Variants in KIRREL1 observed in about 807,000 individuals in gnomAD.
KIRREL1 encodes kin of IRRE-like protein 1.
A neutral mutation model predicts 83.3 loss-of-function variants in KIRREL1; 25 were observed. The ratio of observed to expected loss-of-function variants is 0.30; its 90% CI spans 0.22 to 0.42. KIRREL1 has a LOEUF of 0.42. Ranked by LOEUF, KIRREL1 falls within the 10% of genes least tolerant of loss-of-function variation. KIRREL1 has a pLI of 1.00. For synonymous variants in KIRREL1, 388 were observed against 410.4 expected (o/e 0.95, Z 0.66); for missense variants, 812 against 1,032.3 (o/e 0.79, Z 2.92).
Position 158,094,971 on chromosome 1 carries a change from C to A in KIRREL1, c.2125C>A (p.Pro709Thr). Residue 709 changes from proline (P) to threonine (T), a missense_variant, in exon 15 of 15, where the codon CCC (proline) becomes ACC (threonine). Physicochemically the swap from Pro to Thr is conservative, Grantham distance 38 (BLOSUM62 -1). Transcript: ENST00000359209. The surrounding 1 kb of genome is among the most constrained non-coding windows in gnomAD (Gnocchi z 4.6). ...AGYPTYRLGY[P>T]QAPPSGLERT... is the part of the protein sequence containing the mutation. ...GTACCCCACCTACCGACTGGGCTAC[C>A]CCCAGGCCCCACCCTCTGGCCTGGA... is the stretch of plus-strand genomic sequence containing the variant. The A allele has an allele frequency of 6.2e-7, 1 of 1,614,102 alleles. No individual in the cohort carries two copies. The highest frequency in any genetic ancestry group is 8.5e-7 in the Non-Finnish European group (1 of 1,180,018).
intron 1 of KIRREL1, among the ~76,000 whole-genome samples, chr1:158,018,408 C>T (rs1659898900): frequency 1.3e-5 from 2 of 152,054 alleles, no homozygotes; most frequent in African/African-American, 4.8e-5. Context: ...CTGGTGAAGC[C>T]CCGGGAGAGA....
At chr1:158,043,323 C>T (rs374415473) in intron 1 of KIRREL1, among the ~76,000 whole-genome samples, 3 of 152,166 alleles carry the variant, frequency 2.0e-5, no homozygotes, top group South Asian at 2.1e-4. Flanking sequence ...CTCATTCCCC[C>T]CTTATGGAAA....
chr1:157,995,955 A>G (rs1006961189), intron 1 of KIRREL1, among the ~76,000 whole-genome samples: 4 of 151,560 alleles, frequency 2.6e-5, no homozygotes, highest in Admixed American at 6.6e-5. Context: ...ATGGGGGTGG[A>G]GAGCTTGGCA....
chr1:158,011,474 G>T (rs1293401589), intron 1 of KIRREL1, among the ~76,000 whole-genome samples: 2 of 152,206 alleles, frequency 1.3e-5, no homozygotes, highest in African/African-American at 2.4e-5. Flanking sequence ...CTAGCGGCTG[G>T]TGCCTCCTCT....
At position 158,094,540 on chromosome 1, in the gene KIRREL1, G is replaced by A; in HGVS notation, c.1798-104G>A. 2 of 1,242,280 alleles carry A rather than the reference G, an allele frequency of 1.6e-6. No individual in the cohort carries two copies. The highest frequency in any genetic ancestry group is 1.2e-6 in the Non-Finnish European group (1 of 853,626). The allele number at this position is 1,242,280 out of a possible 1,614,324, so 77.0% of individuals were successfully genotyped here. On this transcript the variant is annotated intron_variant, in intron 14 of 14. Coordinates refer to ENST00000359209, the MANE Select transcript of KIRREL1 (RefSeq NM_018240.7). This position sits in a 1 kb window ranked among gnomAD's most constrained non-coding sequence, Gnocchi z 4.6. Reference sequence around the variant, plus strand: ...GCAGAGGAGGTGGAATGCTAGATGGGGACATAGGGAGAGCTGGAGGAAGAG... The same window carrying A: ...GCAGAGGAGGTGGAATGCTAGATGGAGACATAGGGAGAGCTGGAGGAAGAG...
At chr1:158,006,152 C>G (rs1163999531) in intron 1 of KIRREL1, among the ~76,000 whole-genome samples, 2 of 152,170 alleles carry the variant, frequency 1.3e-5, no homozygotes, top group African/African-American at 4.8e-5. Flanking sequence ...GTGATGATTC[C>G]TTAAGAACCT....
At position 158,094,387 on chromosome 1, in the gene KIRREL1, G is replaced by A. The variant is rs199808960; in HGVS notation, c.1794G>A (p.Met598Ile). 1.3e-5 allele frequency: 21 copies of A among 1,612,650 alleles called. No individual in the cohort carries two copies. In the East Asian group the frequency reaches 4.7e-4, roughly 36 times the overall value. Residue 598 changes from methionine to isoleucine, a missense_variant, in exon 14 of 15, where the codon ATG becomes ATA. Physicochemically the swap from Met to Ile is conservative, Grantham distance 10. This residue lies in a region of KIRREL1 where 334 missense variants were observed against 383.7 expected (regional missense o/e 0.87). Transcript: ENST00000359209. This position sits in a 1 kb window ranked among gnomAD's most constrained non-coding sequence, Gnocchi z 4.6. ...TCGACACCCGGGAGGAGTATGAGAT[G>A]AAGGTGGGAAAGGGGGAAGGGGCCA... ...DTIDTREEYE[M>I]KDPTNGYYNV...
rs527725842 is a variant in KIRREL1 at position 158,095,165 on chromosome 1, G to T, written c.*45G>T. ...GCATCTCTGCGGGGCAGAGGAGAAGGCTTTCACAGCTGTTCCCTGATATTC... is the reference window on the plus strand; with the variant it reads ...GCATCTCTGCGGGGCAGAGGAGAAGTCTTTCACAGCTGTTCCCTGATATTC... On this transcript the variant is annotated 3_prime_UTR_variant, in exon 15 of 15. Coordinates refer to ENST00000359209, the MANE Select transcript of KIRREL1 (RefSeq NM_018240.7). The T allele has an allele frequency of 2.3e-6, 3 of 1,330,284 alleles. No homozygotes were observed. Among genetic ancestry groups the T allele is most frequent in the Non-Finnish European group, 3.1e-6 (3 of 963,338 alleles). The allele number at this position is 1,330,284 out of a possible 1,614,324, so 82.4% of individuals were successfully genotyped here. A position where few individuals can be genotyped will look rare whatever the true frequency, so the allele number is the denominator to read the frequency against.
intron 1 of KIRREL1, among the ~76,000 whole-genome samples, chr1:158,066,309 C>G (rs181220458): frequency 1.3e-5 from 2 of 152,246 alleles, no homozygotes. Flanking sequence ...TCTTCTCTTC[C>G]CCTTGCTTGT....
At position 158,094,974 on chromosome 1, in the gene KIRREL1, C is replaced by T; in HGVS notation, c.2128C>T (p.Gln710Ter). 6.2e-7 allele frequency: 1 copy of T among 1,614,098 alleles called. No homozygotes were observed. Among genetic ancestry groups the T allele is most frequent in the Non-Finnish European group, 8.5e-7 (1 of 1,180,004 alleles). Reference sequence around the variant, plus strand: ...CCCCACCTACCGACTGGGCTACCCCCAGGCCCCACCCTCTGGCCTGGAGCG... The same window carrying T: ...CCCCACCTACCGACTGGGCTACCCCTAGGCCCCACCCTCTGGCCTGGAGCG... ...GYPTYRLGYP[Q>*]APPSGLERTP... Residue 710 changes from glutamine (Q) to a stop codon, truncating the protein, a stop_gained, in exon 15 of 15, where the codon CAG (glutamine) becomes TAG (stop). Coordinates refer to ENST00000359209, the MANE Select transcript of KIRREL1 (RefSeq NM_018240.7). LOFTEE classifies it high-confidence loss of function. This position sits in a 1 kb window ranked among gnomAD's most constrained non-coding sequence, Gnocchi z 4.6.
intron 1 of KIRREL1, among the ~76,000 whole-genome samples, chr1:158,051,002 G>C (rs1031027068): frequency 6.6e-6 from 1 of 152,076 alleles, no homozygotes; most frequent in African/African-American, 2.4e-5. Flanking sequence ...GTCTACCTTC[G>C]GTTTCTCCTG....
chr1:158,042,578 G>T (rs1197072019), intron 1 of KIRREL1, among the ~76,000 whole-genome samples: 2 of 152,150 alleles, frequency 1.3e-5, no homozygotes, highest in African/African-American at 4.8e-5. Context: ...TGTAACACTA[G>T]CTAGTGTTTA....
rs1175146157 is a variant in KIRREL1 at position 158,087,988 on chromosome 1, T to C, written c.768-18T>C. Reference sequence around the variant, plus strand: ...GGTCTGAGGCCTGATCCCACCTCTGTGTTGCCTCCTCCCCTAGGTGGGCCA... The same window carrying C: ...GGTCTGAGGCCTGATCCCACCTCTGCGTTGCCTCCTCCCCTAGGTGGGCCA... On this transcript the variant is annotated intron_variant, in intron 6 of 14. Transcript: ENST00000359209. 9.9e-6 allele frequency: 16 copies of C among 1,613,886 alleles called. No homozygotes were observed. The highest frequency in any genetic ancestry group is 1.3e-5 in the Non-Finnish European group (15 of 1,179,908).
intron 3 of KIRREL1, among the ~76,000 whole-genome samples, chr1:158,081,154 C>G (rs1285007675): frequency 9.6e-6 from 1 of 103,694 alleles, no homozygotes; most frequent in South Asian, 2.8e-4. Flanking sequence ...GATATACAGA[C>G]CTCCAAAACC....
rs111574220 is a variant in KIRREL1 at position 158,019,419 on chromosome 1, G to A, written c.52+25691G>A. Among the ~76,000 whole-genome samples, 10 of 152,274 alleles carry A rather than the reference G, an allele frequency of 6.6e-5. No homozygotes were observed. The South Asian group carries it at 1.0e-3, about 16-fold the overall frequency. ...TTACTACACTCTAAGATGGGCAAAC[G>A]AAAGGATTTGGAGCATTTTGGCAGA... On this transcript the variant is annotated intron_variant, in intron 1 of 14. Coordinates refer to ENST00000359209, the MANE Select transcript of KIRREL1 (RefSeq NM_018240.7).
chr1:158,008,426 G>A lies in KIRREL1; in HGVS notation c.52+14698G>A, dbSNP rs1026437361. Among the ~76,000 whole-genome samples the A allele has an allele frequency of 3.3e-5, 5 of 152,290 alleles. No homozygotes were observed. In the East Asian group the frequency reaches 9.7e-4, roughly 29 times the overall value. On this transcript the variant is annotated intron_variant, in intron 1 of 14. Coordinates refer to ENST00000359209, the MANE Select transcript of KIRREL1 (RefSeq NM_018240.7). ...CCTGGCCTGCCCTAGGGGTACAGCAGGAGATGTGTATAGGTTGGTGGCCAG... is the reference window on the plus strand; with the variant it reads ...CCTGGCCTGCCCTAGGGGTACAGCAAGAGATGTGTATAGGTTGGTGGCCAG...
At position 158,076,143 on chromosome 1, in the gene KIRREL1, C is replaced by A. The variant is rs1258761864; in HGVS notation, c.83C>A (p.Ala28Asp). Residue 28 changes from alanine to aspartate, a missense_variant, in exon 2 of 15, where the codon GCT becomes GAT. By Grantham distance (126) the Ala-to-Asp change is moderately radical (BLOSUM62 -2). Transcript: ENST00000359209. The part of the protein sequence containing the change: ...GTQTRFSQEP[A>D]DQTVVAGQRA... ...CAGACCCGCTTCAGCCAGGAGCCAG[C>A]TGACCAGACGGTGGTGGCTGGACAG... 1.2e-6 allele frequency: 2 copies of A among 1,614,054 alleles called. No homozygotes were observed. Among genetic ancestry groups the A allele is most frequent in the Non-Finnish European group, 1.7e-6 (2 of 1,180,028 alleles).
intron 3 of KIRREL1, among the ~76,000 whole-genome samples, chr1:158,080,809 T>A (rs6688639): frequency 0.26 from 39,964 of 152,116 alleles, 5,862 homozygotes; most frequent in East Asian, 0.5. Flanking sequence ...TCAAACACCC[T>A]GCCACCTGCA....
chr1:158,086,803 G>C, intron 5 of KIRREL1, 57 bp downstream of exon 5: 2 of 1,459,740 alleles, frequency 1.4e-6, no homozygotes, highest in South Asian at 2.4e-5. Context: ...GGGTGTGTTT[G>C]AGAAGCACAC....
Sources: allele counts gnomAD v4.1 joint callset (sites outside exome capture counted in the v4.1 genomes callset), GRCh38; gene constraint gnomAD v4.1.1; regional missense constraint gnomAD v4.1.1; non-coding constraint Gnocchi (gnomAD v3.1); transcripts MANE v1.5; gene names NCBI Gene and HGNC (gene_info 2026-07-23, HGNC 2026-07-21).